FLYWCH1: variants seen among roughly 807,000 people sequenced by gnomAD.
FLYWCH1 encodes FLYWCH-type zinc finger 1.
FLYWCH1 carries 75 observed loss-of-function variants against 66.4 expected under a neutral mutation model. That is an observed-to-expected ratio of 1.13 (90% CI 0.94 to 1.37). The LOEUF is 1.37. Ranked by LOEUF, FLYWCH1 falls within the 40% of genes most tolerant of loss-of-function variation. The pLI is 0.00. For synonymous variants in FLYWCH1, 595 were observed against 429.9 expected, an observed-to-expected ratio of 1.38 and a Z score of -4.75; for missense variants, 1,334 against 1,001.8, an observed-to-expected ratio of 1.33 and a Z score of -4.48.
At position 2,933,188 on chromosome 16, in the gene FLYWCH1, C is replaced by T. The variant is rs370306017; in HGVS notation, c.855C>T (p.His285=). 1.1e-5 allele frequency: 18 copies of T among 1,613,658 alleles called. No individual in the cohort carries two copies. The highest frequency in any genetic ancestry group is 8.3e-5 in the Admixed American group (5 of 59,978). Residue 285 remains histidine, a synonymous_variant, in exon 5 of 10, where the codon CAC becomes CAT. Coordinates refer to ENST00000253928, the MANE Select transcript of FLYWCH1 (RefSeq NM_001308068.2). ...GCTACGGGGGCAGCTTCCTGGTACA[C>T]GAGTCGTTCCTCTACAAGCGGGAGA... The part of the protein sequence containing the change: ...RTCYGGSFLV[H]ESFLYKREKA...
Position 2,919,270 on chromosome 16 carries a change from C to CT in FLYWCH1, c.-74+4994dup, listed in dbSNP as rs1243181807. ...ATTCATTTGTTTTAATTTTTTGTTT[C>CT]TTTTTTTTTTTTTGAGACGGAGTCT... On this transcript the variant is annotated intron_variant, in intron 2 of 9. Coordinates refer to ENST00000253928, the MANE Select transcript of FLYWCH1 (RefSeq NM_001308068.2). 9.3e-3 allele frequency among the ~76,000 whole-genome samples: 1,272 copies of CT among 136,668 alleles called. 11 individuals are homozygous for CT. The highest frequency in any genetic ancestry group is 0.026 in the African/African-American group (978 of 37,202). 89.7% of individuals were successfully genotyped at this position (136,668 alleles called of 152,430 possible).
chr16:2,925,304 G>C (rs1479820197), intron 2 of FLYWCH1, among the ~76,000 whole-genome samples: 1 of 152,070 alleles, frequency 6.6e-6, no homozygotes, highest in Non-Finnish European at 1.5e-5. Flanking sequence ...CCCCGGGAGG[G>C]TGCAGGGTCA....
intron 9 of FLYWCH1, among the ~76,000 whole-genome samples, chr16:2,945,109 G>A (rs1427099122): frequency 6.6e-6 from 1 of 152,046 alleles, no homozygotes; most frequent in East Asian, 1.9e-4. Flanking sequence ...CAGCACTTTG[G>A]GAGGCTGAGG....
At chr16:2,929,433 G>A (rs765557439) in intron 2 of FLYWCH1, among the ~76,000 whole-genome samples, 180 bp from the exon 3 acceptor site, 27 of 152,050 alleles carry the variant, frequency 1.8e-4, no homozygotes, top group Non-Finnish European at 3.4e-4. Context: ...TGGGGCTGAC[G>A]TACCTAAGGC....
intron 2 of FLYWCH1, among the ~76,000 whole-genome samples, chr16:2,926,558 G>GA (rs1217037237): frequency 6.6e-6 from 1 of 152,118 alleles, no homozygotes; most frequent in Admixed American, 6.5e-5. Context: ...CAGGGCCTGG[G>GA]AAAAAAATTC....
Position 2,938,357 on chromosome 16 carries a change from A to G in FLYWCH1, c.1951A>G (p.Met651Val), listed in dbSNP as rs2071108856. Residue 651 changes from methionine (M) to valine (V), a missense_variant, in exon 8 of 10, where the codon ATG (methionine) becomes GTG (valine). Transcript: ENST00000253928. ...SRAITQGHRI[M>V]VMRSHCHQPD... Reference sequence around the variant, plus strand: ...CGCCATAACCCAGGGCCACCGCATCATGGTCATGCGCAGCCACTGCCATCA... The same window carrying G: ...CGCCATAACCCAGGGCCACCGCATCGTGGTCATGCGCAGCCACTGCCATCA... The G allele has an allele frequency of 3.1e-6, 5 of 1,597,650 alleles. No homozygotes were observed. The highest frequency in any genetic ancestry group is 4.3e-6 in the Non-Finnish European group (5 of 1,171,272).
chr16:2,925,209 G>A (rs566850038), intron 2 of FLYWCH1, among the ~76,000 whole-genome samples: 3 of 152,188 alleles, frequency 2.0e-5, no homozygotes, highest in Non-Finnish European at 1.5e-5. Flanking sequence ...CGGGAATCAC[G>A]GCAGTTCTCA....
At chr16:2,912,342 C>T (rs1261371167) in intron 1 of FLYWCH1, among the ~76,000 whole-genome samples, 188 bp downstream of exon 1, 1 of 151,466 alleles carries the variant, frequency 6.6e-6, no homozygotes, top group South Asian at 2.1e-4. Flanking sequence ...ATCCCCACCC[C>T]CCCGTCCCCT....
At chr16:2,939,949 G>C (rs1012136854) in intron 8 of FLYWCH1, 83 bp from the exon 9 acceptor site, 25 of 1,504,046 alleles carry the variant, frequency 1.7e-5, no homozygotes, top group African/African-American at 4.2e-5. Context: ...TGAGGGCGTC[G>C]TTAACAAGGT....
chr16:2,925,145 C>G (rs1026855933), intron 2 of FLYWCH1, among the ~76,000 whole-genome samples: 1 of 152,238 alleles, frequency 6.6e-6, no homozygotes, highest in Non-Finnish European at 1.5e-5. Flanking sequence ...TCTGGGAGGC[C>G]TCTGTCAGGA....
intron 4 of FLYWCH1, among the ~76,000 whole-genome samples, chr16:2,931,247 A>G (rs915758826): frequency 7.4e-5 from 11 of 148,162 alleles, no homozygotes; most frequent in East Asian, 2.0e-4. Context: ...AGGTTGCAGT[A>G]AGCCCAGATC....
chr16:2,933,656 G>A, intron 5 of FLYWCH1, 60 bp from the exon 6 acceptor site: 2 of 1,566,418 alleles, frequency 1.3e-6, no homozygotes, highest in Non-Finnish European at 1.7e-6. Flanking sequence ...AGGGAAGGGG[G>A]TGCGATCAGG....
Position 2,937,297 on chromosome 16 carries a change from A to C in FLYWCH1, c.1690A>C (p.Arg564=), listed in dbSNP as rs1212785368. ...TQGRRVMVMR[R]HCHPPDLGGL... is the part of the protein sequence containing the mutation. ...GGGCCGGCGGGTCATGGTCATGCGC[A>C]GGCACTGCCACCCACCGGACCTGGG... Residue 564 remains arginine (R), a synonymous_variant, in exon 7 of 10, where the codon AGG becomes CGG. Transcript: ENST00000253928. 1 of 1,604,120 alleles carries C rather than the reference A, an allele frequency of 6.2e-7. No homozygotes were observed. Among genetic ancestry groups the C allele is most frequent in the East Asian group, 2.2e-5 (1 of 44,462 alleles).
At position 2,936,833 on chromosome 16, in the gene FLYWCH1, G is replaced by T. The variant is rs557458903; in HGVS notation, c.1514-288G>T. ...GCAAGCCTGGGCGGGTGCTGGGGAC[G>T]GACGAGTGACGCAGCAGACACTGCC... On this transcript the variant is annotated intron_variant, in intron 6 of 9. Coordinates refer to ENST00000253928, the MANE Select transcript of FLYWCH1 (RefSeq NM_001308068.2). The T allele has an allele frequency of 7.9e-5, 48 of 606,794 alleles. No homozygotes were observed. The African/African-American group carries it at 8.1e-4, about 10-fold the overall frequency. 37.6% of individuals were successfully genotyped at this position (606,794 alleles called of 1,614,324 possible).
intron 8 of FLYWCH1, 25 bp from the exon 9 acceptor site, chr16:2,940,007 C>A: frequency 1.3e-6 from 2 of 1,585,056 alleles, no homozygotes; most frequent in South Asian, 1.1e-5. Flanking sequence ...ATTATTAATT[C>A]ATATTTTCAA....
intron 2 of FLYWCH1, among the ~76,000 whole-genome samples, chr16:2,925,292 G>T (rs2070519054): frequency 6.6e-6 from 1 of 152,062 alleles, no homozygotes; most frequent in Non-Finnish European, 1.5e-5. Context: ...GGGCTGGGGG[G>T]ACCCCGGGAG....
chr16:2,915,747 A>C (rs998307803), intron 2 of FLYWCH1, among the ~76,000 whole-genome samples: 1 of 151,442 alleles, frequency 6.6e-6, no homozygotes, highest in African/African-American at 2.4e-5. Flanking sequence ...CAGTTAGCTG[A>C]GATCTAGCCA....
chr16:2,929,284 G>C (rs2070676398), intron 2 of FLYWCH1, among the ~76,000 whole-genome samples: 2 of 152,188 alleles, frequency 1.3e-5, no homozygotes, highest in Non-Finnish European at 2.9e-5. Flanking sequence ...GGGACTGGAG[G>C]GGGGACTGGA....
At chr16:2,932,072 C>T (rs184745711) in intron 4 of FLYWCH1, among the ~76,000 whole-genome samples, 159 of 146,976 alleles carry the variant, frequency 1.1e-3, no homozygotes, top group African/African-American at 3.9e-3. Context: ...GGGCCAAGAT[C>T]GTGCCACCGC....
Sources: allele counts gnomAD v4.1 joint callset (sites outside exome capture counted in the v4.1 genomes callset), GRCh38; gene constraint gnomAD v4.1.1; transcripts MANE v1.5; gene names NCBI Gene and HGNC (gene_info 2026-07-23, HGNC 2026-07-21).